The following LMO7 variants were observed in gnomAD, a reference collection of about 807,000 sequenced individuals.
LMO7 encodes the protein LIM domain only protein 7.
LMO7 carries 120 observed loss-of-function variants against 206.5 expected under a neutral mutation model. That is an observed-to-expected ratio of 0.58 (90% CI 0.50 to 0.68). The LOEUF (loss-of-function observed/expected upper bound fraction) is 0.68. Among genes scored for constraint, LMO7 ranks in the 30% least tolerant of loss-of-function variants. The pLI, the probability that LMO7 is intolerant of heterozygous loss-of-function variation, is 0.00. For synonymous variants in LMO7, 706 were observed against 681.5 expected, an observed-to-expected ratio of 1.04 and a Z score of -0.56; for missense variants, 1,959 against 1,957.9, an observed-to-expected ratio of 1.00 and a Z score of -0.01.
intron 4 of LMO7, among the ~76,000 whole-genome samples, chr13:75,781,071 AT>A (rs1206590506): frequency 1.6e-4 from 4 of 25,096 alleles, no homozygotes; most frequent in African/African-American, 5.6e-4. Context: ...TCTTGGGAGT[AT>A]TTTTTTAACC....
intron 3 of LMO7, chr13:75,760,279 T>C (rs770723327): frequency 3.4e-5 from 28 of 821,496 alleles, no homozygotes; most frequent in Non-Finnish European, 4.1e-5. Flanking sequence ...TTCATATTTT[T>C]GGAGGCAGCT....
chr13:75,657,390 G>A (rs569682568), intron 1 of LMO7, among the ~76,000 whole-genome samples: 1 of 152,202 alleles, frequency 6.6e-6, no homozygotes, highest in Admixed American at 6.5e-5. Context: ...CAATTCCATG[G>A]GTGCAAAGTA....
intron 9 of LMO7, among the ~76,000 whole-genome samples, 168 bp from the exon 10 acceptor site, chr13:75,807,312 G>A (rs2055666186): frequency 1.3e-5 from 2 of 152,118 alleles, no homozygotes; most frequent in African/African-American, 4.8e-5. Context: ...TGGATTAAAT[G>A]CTAGTCTGTT....
At chr13:75,795,644 G>A (rs1407763213) in intron 5 of LMO7, among the ~76,000 whole-genome samples, 1 of 152,200 alleles carries the variant, frequency 6.6e-6, no homozygotes, top group Non-Finnish European at 1.5e-5. Flanking sequence ...AGAACGTGTG[G>A]TATTTGGTTT....
At chr13:75,807,343 A>G (rs2055670372) in intron 9 of LMO7, 137 bp from the exon 10 acceptor site, 1 of 818,928 alleles carries the variant, frequency 1.2e-6, no homozygotes, top group African/African-American at 1.7e-5. Flanking sequence ...GAGTCCCCAC[A>G]ATGGTCCTCT....
At chr13:75,730,312 T>TA (rs1334676353) in intron 3 of LMO7, among the ~76,000 whole-genome samples, 6 of 152,220 alleles carry the variant, frequency 3.9e-5, no homozygotes, top group South Asian at 2.1e-4. Flanking sequence ...CAGATCCTGT[T>TA]ATTGGTCTGT....
At chr13:75,698,128 A>G (rs2042026530) in intron 1 of LMO7, among the ~76,000 whole-genome samples, 1 of 152,184 alleles carries the variant, frequency 6.6e-6, no homozygotes, top group South Asian at 2.1e-4. Context: ...GGAATTATTT[A>G]TATATAATGC....
intron 2 of LMO7, among the ~76,000 whole-genome samples, chr13:75,720,007 C>T (rs574184571): frequency 3.3e-5 from 5 of 152,094 alleles, no homozygotes; most frequent in Non-Finnish European, 7.4e-5. Flanking sequence ...CATTTGGTGT[C>T]GTCCGTGTTC....
intron 3 of LMO7, among the ~76,000 whole-genome samples, chr13:75,741,219 C>T (rs1437508586): frequency 3.9e-5 from 6 of 152,170 alleles, no homozygotes; most frequent in South Asian, 2.1e-4. Context: ...AACATTTAAA[C>T]GTTCTTATTT....
At chr13:75,659,820 TTTTCTC>T (rs1417207028) in intron 1 of LMO7, among the ~76,000 whole-genome samples, 1 of 152,252 alleles carries the variant, frequency 6.6e-6, no homozygotes, top group African/African-American at 2.4e-5. Context: ...ATCTAAGACT[TTTTCTC>T]TTTTATATTC....
intron 1 of LMO7, among the ~76,000 whole-genome samples, chr13:75,645,774 C>G (rs963784595): frequency 1.3e-5 from 2 of 152,162 alleles, no homozygotes; most frequent in Non-Finnish European, 2.9e-5. Context: ...CTAGGTTTTT[C>G]TTCCATTTCA....
chr13:75,718,528 T>A (rs1274884579), intron 2 of LMO7, among the ~76,000 whole-genome samples: 1 of 152,138 alleles, frequency 6.6e-6, no homozygotes, highest in African/African-American at 2.4e-5. Flanking sequence ...GAGGGGAAGG[T>A]ACAGAAAGAT....
At chr13:75,702,927 TA>T (rs957608550) in intron 1 of LMO7, among the ~76,000 whole-genome samples, 1 of 152,218 alleles carries the variant, frequency 6.6e-6, no homozygotes, top group African/African-American at 2.4e-5. Flanking sequence ...TGTAGCAAAT[TA>T]ATAGTGGTGA....
intron 1 of LMO7, among the ~76,000 whole-genome samples, chr13:75,698,709 G>T (rs115186926): frequency 6.6e-6 from 1 of 151,520 alleles, no homozygotes; most frequent in African/African-American, 2.4e-5. Flanking sequence ...GAGATGGTGC[G>T]AAAGGTCTTT....
At chr13:75,761,919 C>G (rs960039462) in intron 4 of LMO7, among the ~76,000 whole-genome samples, 3 of 152,052 alleles carry the variant, frequency 2.0e-5, no homozygotes, top group Non-Finnish European at 4.4e-5. Flanking sequence ...TCTACCAGTT[C>G]AAAGATTTAA....
At chr13:75,706,428 C>T (rs902635354) in intron 1 of LMO7, among the ~76,000 whole-genome samples, 8 of 152,120 alleles carry the variant, frequency 5.3e-5, no homozygotes, top group Non-Finnish European at 1.2e-4. Flanking sequence ...ATTAAAAAAT[C>T]AGATTTTTCG....
chr13:75,734,250 G>C lies in LMO7; in HGVS notation c.210+7152G>C, dbSNP rs150806165. Among the ~76,000 whole-genome samples, 412 of 152,286 alleles carry C rather than the reference G, an allele frequency of 2.7e-3. 3 individuals are homozygous for C. Among genetic ancestry groups the C allele is most frequent in the African/African-American group, 9.7e-3 (404 of 41,560 alleles). ...CAAGGTAGCTACTCAGACGGGGTAA[G>C]ACATTTCAGAGGACAATAATAATGC... is the stretch of plus-strand genomic sequence containing the variant. On this transcript the variant is annotated intron_variant, in intron 3 of 30. Coordinates refer to ENST00000377534, the MANE Select transcript of LMO7 (RefSeq NM_001306080.2).
intron 1 of LMO7, among the ~76,000 whole-genome samples, chr13:75,637,030 C>T (rs568109920): frequency 1.7e-4 from 26 of 152,310 alleles, no homozygotes; most frequent in Admixed American, 9.8e-4. Flanking sequence ...GCGCAGTCCG[C>T]CCTGGCTCGC....
intron 2 of LMO7, among the ~76,000 whole-genome samples, chr13:75,723,511 A>G (rs189976516): frequency 6.6e-6 from 1 of 152,324 alleles, no homozygotes; most frequent in East Asian, 1.9e-4. Context: ...GATAAAGGGA[A>G]AAATGAGATT....
Sources: gnomAD v4.1 joint callset for allele counts (sites outside exome capture counted in the v4.1 genomes callset) on GRCh38, gnomAD v4.1.1 for gene constraint, MANE v1.5 for transcripts, NCBI Gene and HGNC (gene_info 2026-07-23, HGNC 2026-07-21) for gene names.